Variants in CCDC178 observed in about 807,000 individuals in gnomAD.
The protein encoded by CCDC178 is coiled-coil domain-containing protein 178.
A neutral mutation model predicts 117.4 loss-of-function variants in CCDC178; 126 were observed. That is an observed-to-expected ratio of 1.07 (90% confidence interval 0.93 to 1.24). The LOEUF is 1.24. CCDC178 is among the 50% of genes most tolerant of loss of function. The pLI is 0.00. For synonymous variants in CCDC178, 283 were observed against 313.4 expected (o/e 0.90, Z 1.02); for missense variants, 1,030 against 986.9 (o/e 1.04, Z -0.59).
At chr18:33,406,435 A>C (rs889863666) in intron 3 of CCDC178, among the ~76,000 whole-genome samples, 4 of 152,080 alleles carry the variant, frequency 2.6e-5, no homozygotes, top group African/African-American at 7.2e-5. Flanking sequence ...ATAATATGAA[A>C]GACTACTATA....
rs537411701 is a variant in CCDC178, at chr18:32,985,165, T to A, written c.2389-10484A>T. On this transcript the variant is annotated intron_variant, in intron 21 of 22. Transcript: ENST00000383096. ...AAATTTCAAGAAGAAATATAGTATA[T>A]TTTTACTTTTAAAACATTAAATTTC... Among the ~76,000 whole-genome samples the A allele has an allele frequency of 7.1e-4, 108 of 152,144 alleles. 1 individual carries two copies. The South Asian group carries it at 0.016, about 22-fold the overall frequency.
At chr18:33,177,024 C>T (rs1371607991) in intron 20 of CCDC178, among the ~76,000 whole-genome samples, 4 of 152,040 alleles carry the variant, frequency 2.6e-5, no homozygotes, top group Non-Finnish European at 5.9e-5. Flanking sequence ...ATTTAAAAAC[C>T]ATCTTATTGA....
chr18:33,201,330 C>G (rs1273706125), intron 20 of CCDC178, among the ~76,000 whole-genome samples: 1 of 152,190 alleles, frequency 6.6e-6, no homozygotes, highest in African/African-American at 2.4e-5. Flanking sequence ...TATTTCAAAG[C>G]TTCCCCTTTC....
At chr18:32,949,861 G>C (rs1220165806) in intron 22 of CCDC178, among the ~76,000 whole-genome samples, 1 of 152,008 alleles carries the variant, frequency 6.6e-6, no homozygotes, top group Non-Finnish European at 1.5e-5. Flanking sequence ...ATTTGTTGTG[G>C]CATGCAGTGA....
intron 15 of CCDC178, among the ~76,000 whole-genome samples, chr18:33,234,281 TC>T (rs1568076388): frequency 1.3e-5 from 2 of 152,086 alleles, no homozygotes; most frequent in African/African-American, 4.8e-5. Flanking sequence ...CTTCCCTTTT[TC>T]CCGGCAACCA....
At position 33,328,082 on chromosome 18, in the gene CCDC178, GATTTTTTTTT is replaced by G. The variant is rs1270592345; in HGVS notation, c.880-4459_880-4450del. On this transcript the variant is annotated intron_variant, in intron 10 of 22. Transcript: ENST00000383096. ...CCAAGGTCATAAAGATTTATCCCTA[GATTTTTTTTT>G]TTTTTTTTTTTTTTTTTTTTTTTTT... The G allele has an allele frequency of 4.3e-4, 106 of 249,126 alleles. 8 individuals are homozygous for G. Among genetic ancestry groups the G allele is most frequent in the African/African-American group, 2.9e-3 (89 of 30,466 alleles). The allele number at this position is 249,126 out of a possible 1,614,324, so 15.4% of individuals were successfully genotyped here. A position where few individuals can be genotyped will look rare whatever the true frequency, so the allele number is the denominator to read the frequency against.
chr18:33,344,238 A>G (rs1393004631), intron 9 of CCDC178, among the ~76,000 whole-genome samples: 3 of 139,806 alleles, frequency 2.1e-5, no homozygotes, highest in African/African-American at 8.0e-5. Flanking sequence ...CGGGAAGCGG[A>G]GCTTGCAGTG....
At position 33,346,118 on chromosome 18, in the gene CCDC178, A is replaced by G. The variant is rs981401254; in HGVS notation, c.658+93T>C. ...TGGGATTACAGGCATGAGCCATGGC[A>G]CTAAGACAATTTTTTTAAAAATATA... On this transcript the variant is annotated intron_variant, in intron 9 of 22. Coordinates refer to ENST00000383096, the MANE Select transcript of CCDC178 (RefSeq NM_001105528.4). 13 of 949,200 alleles carry G rather than the reference A, an allele frequency of 1.4e-5. No homozygotes were observed. The African/African-American group carries it at 1.9e-4, about 14-fold the overall frequency. The allele number at this position is 949,200 out of a possible 1,614,324, so 58.8% of individuals were successfully genotyped here.
At chr18:33,113,294 C>T (rs749139223) in intron 20 of CCDC178, among the ~76,000 whole-genome samples, 2 of 152,012 alleles carry the variant, frequency 1.3e-5, no homozygotes, top group South Asian at 4.2e-4. Flanking sequence ...TGTTGAGAAA[C>T]ATTTACCTTT....
At chr18:33,267,907 A>C (rs1453327784) in intron 12 of CCDC178, among the ~76,000 whole-genome samples, 2 of 150,650 alleles carry the variant, frequency 1.3e-5, no homozygotes, top group African/African-American at 4.9e-5. Flanking sequence ...ATCGGTCTTT[A>C]AAATACAGAA....
At chr18:33,078,397 CTTCTG>C (rs2057244911) in intron 21 of CCDC178, among the ~76,000 whole-genome samples, 1 of 152,154 alleles carries the variant, frequency 6.6e-6, no homozygotes, top group Non-Finnish European at 1.5e-5. Context: ...TCTCCTGCCA[CTTCTG>C]TTCAACATAG....
At chr18:33,144,011 C>A (rs1276165043) in intron 20 of CCDC178, among the ~76,000 whole-genome samples, 2 of 152,058 alleles carry the variant, frequency 1.3e-5, no homozygotes, top group African/African-American at 2.4e-5. Context: ...TACTTTACTG[C>A]ACCACCTTTG....
At chr18:33,050,395 T>G (rs536728237) in intron 21 of CCDC178, among the ~76,000 whole-genome samples, 91 of 152,294 alleles carry the variant, frequency 6.0e-4, no homozygotes, top group African/African-American at 2.1e-3. Context: ...GAAAGAGTAA[T>G]GGCAGACATT....
chr18:33,286,897 TA>T (rs1458536218), intron 12 of CCDC178, among the ~76,000 whole-genome samples: 1 of 152,178 alleles, frequency 6.6e-6, no homozygotes, highest in Non-Finnish European at 1.5e-5. Flanking sequence ...ATTATTTTCT[TA>T]AAAAATATTC....
chr18:33,087,324 T>A (rs752941480), intron 21 of CCDC178, among the ~76,000 whole-genome samples: 3 of 152,176 alleles, frequency 2.0e-5, no homozygotes, highest in Non-Finnish European at 4.4e-5. Context: ...ATTTTCCTCA[T>A]GGAGTTTGGA....
chr18:33,389,735 A>G (rs889287661), intron 4 of CCDC178, 106 bp from the exon 5 acceptor site: 1 of 436,672 alleles, frequency 2.3e-6, no homozygotes, highest in African/African-American at 2.1e-5. Context: ...TGCTCTCCTT[A>G]AAAGAAAAAC....
At chr18:33,241,099 T>C (rs1054711664) in intron 15 of CCDC178, among the ~76,000 whole-genome samples, 9 of 151,930 alleles carry the variant, frequency 5.9e-5, no homozygotes, top group African/African-American at 1.9e-4. Context: ...AAAAAGCACA[T>C]GGTTATCTTA....
At chr18:33,169,770 A>G (rs1302533533) in intron 20 of CCDC178, among the ~76,000 whole-genome samples, 1 of 152,216 alleles carries the variant, frequency 6.6e-6, no homozygotes, top group Non-Finnish European at 1.5e-5. Flanking sequence ...GTATAGGAAC[A>G]TATAATGGCT....
intron 3 of CCDC178, among the ~76,000 whole-genome samples, chr18:33,405,110 T>C (rs1369703394): frequency 6.6e-6 from 1 of 152,020 alleles, no homozygotes; most frequent in African/African-American, 2.4e-5. Context: ...GCTATGTGAA[T>C]TGTAGCTTAA....
Sources: gnomAD v4.1 joint callset for allele counts (sites outside exome capture counted in the v4.1 genomes callset) on GRCh38, gnomAD v4.1.1 for gene constraint, MANE v1.5 for transcripts, NCBI Gene and HGNC (gene_info 2026-07-23, HGNC 2026-07-21) for gene names.